The following CCSER1 variants were observed in gnomAD, a reference collection of about 807,000 sequenced individuals.
CCSER1 encodes the protein serine-rich coiled-coil domain-containing protein 1.
Under a neutral mutation model 82.0 loss-of-function variants are expected in CCSER1, and 41 were observed. The observed-to-expected ratio is 0.50, with a 90% CI of 0.39 to 0.65. The LOEUF is 0.65. Among genes scored for constraint, CCSER1 ranks in the 30% least tolerant of loss-of-function variants. The pLI is 0.00. For synonymous variants in CCSER1, 414 were observed against 383.9 expected, an observed-to-expected ratio of 1.08 and a Z score of -0.92; for missense variants, 1,119 against 1,064.2, an observed-to-expected ratio of 1.05 and a Z score of -0.72.
At chr4:90,858,098 G>A (rs903899016) in intron 8 of CCSER1, among the ~76,000 whole-genome samples, 21 of 152,024 alleles carry the variant, frequency 1.4e-4, no homozygotes, top group African/African-American at 4.6e-4. Flanking sequence ...CAGAATTCTA[G>A]CCTAGAAATG....
chr4:90,445,646 G>C (rs1026821199), intron 4 of CCSER1, among the ~76,000 whole-genome samples: 6 of 152,080 alleles, frequency 3.9e-5, no homozygotes, highest in African/African-American at 9.7e-5. Flanking sequence ...AAAAATTAAT[G>C]TCCTTTCAAG....
chr4:91,315,195 T>G (rs1478785208), intron 10 of CCSER1, among the ~76,000 whole-genome samples: 1 of 151,602 alleles, frequency 6.6e-6, no homozygotes. Context: ...GTGTAATTAT[T>G]CTTCTGGCCT....
intron 10 of CCSER1, among the ~76,000 whole-genome samples, chr4:91,153,806 C>T (rs369712910): frequency 7.2e-5 from 11 of 151,900 alleles, no homozygotes; most frequent in South Asian, 2.1e-4. Flanking sequence ...GTATCACCAG[C>T]GGAGGCTGCA....
chr4:91,256,866 A>G (rs1740731472), intron 10 of CCSER1, among the ~76,000 whole-genome samples: 1 of 152,204 alleles, frequency 6.6e-6, no homozygotes, highest in Non-Finnish European at 1.5e-5. Context: ...TCTTCTTGGG[A>G]AGAAATCATA....
chr4:91,202,722 A>G (rs886358383), intron 10 of CCSER1, among the ~76,000 whole-genome samples: 6 of 24,990 alleles, frequency 2.4e-4, no homozygotes, highest in Non-Finnish European at 3.7e-4. Context: ...TATGTTAAAT[A>G]ATACAAACAC....
intron 9 of CCSER1, among the ~76,000 whole-genome samples, chr4:91,048,981 A>G (rs951324556): frequency 3.9e-5 from 6 of 152,164 alleles, no homozygotes; most frequent in East Asian, 1.9e-4. Flanking sequence ...ATATTAAACT[A>G]AAGTCTGGGA....
intron 10 of CCSER1, among the ~76,000 whole-genome samples, chr4:91,302,154 C>A (rs35783820): frequency 0.056 from 8,485 of 152,054 alleles, 319 homozygotes; most frequent in Middle Eastern, 0.082. Flanking sequence ...TGAACTGCCA[C>A]ACTGATATCT....
rs554378246 is a variant in CCSER1 at position 90,964,704 on chromosome 4, G to A, written c.2172+41257G>A. 1.9e-3 allele frequency among the ~76,000 whole-genome samples: 215 copies of A among 115,448 alleles called. 3 individuals are homozygous for A. Among genetic ancestry groups the A allele is most frequent in the African/African-American group, 6.3e-3 (186 of 29,404 alleles). 75.7% of individuals were successfully genotyped at this position (115,448 alleles called of 152,430 possible). A position where few individuals can be genotyped will look rare whatever the true frequency, so the allele number is the denominator to read the frequency against. On this transcript the variant is annotated intron_variant, in intron 9 of 10. Coordinates refer to ENST00000509176, the MANE Select transcript of CCSER1 (RefSeq NM_001145065.2). ...TGTGCCACTGCATTCCAGCCTGGGC[G>A]ACAGAGCCAGAGCAAGACTCTGTCT... is the stretch of plus-strand genomic sequence containing the variant.
chr4:90,716,789 G>C (rs1741722625), intron 6 of CCSER1, among the ~76,000 whole-genome samples: 1 of 152,074 alleles, frequency 6.6e-6, no homozygotes, highest in Admixed American at 6.6e-5. Flanking sequence ...AGTGACAAAA[G>C]CACCTAACGA....
chr4:90,920,274 C>T (rs1169592905), intron 8 of CCSER1, among the ~76,000 whole-genome samples: 1 of 151,764 alleles, frequency 6.6e-6, no homozygotes, highest in Admixed American at 6.6e-5. Context: ...AAGTTCCATC[C>T]TCATTCAGTT....
At chr4:90,201,465 C>T (rs1160299876) in intron 1 of CCSER1, among the ~76,000 whole-genome samples, 1 of 151,216 alleles carries the variant, frequency 6.6e-6, no homozygotes. Flanking sequence ...ATTTTGTTAT[C>T]TCATAGCCAT....
In CCSER1 at chr4:91,007,230, AAAT is replaced by A. The variant is rs1169952222; in HGVS notation, c.2173-78716_2173-78714del. 2.6e-5 allele frequency among the ~76,000 whole-genome samples: 4 copies of A among 152,170 alleles called. No homozygotes were observed. The East Asian group carries it at 7.7e-4, about 29-fold the overall frequency. On this transcript the variant is annotated intron_variant, in intron 9 of 10. Coordinates refer to ENST00000509176, the MANE Select transcript of CCSER1 (RefSeq NM_001145065.2). ...GGATTTTTGCATCTGTGTTCATCAG[AAAT>A]AATGACCTATAATTTTCTTGCTTTG...
intron 1 of CCSER1, among the ~76,000 whole-genome samples, chr4:90,256,657 A>C (rs1315266816): frequency 1.3e-5 from 2 of 152,170 alleles, no homozygotes; most frequent in African/African-American, 4.8e-5. Context: ...ATTATAAGAT[A>C]TAAGTTTGCA....
chr4:90,820,738 A>G (rs1027607240), intron 8 of CCSER1, among the ~76,000 whole-genome samples: 1 of 131,894 alleles, frequency 7.6e-6, no homozygotes, highest in African/African-American at 2.5e-5. Context: ...TGTATTATAT[A>G]TTATATATAT....
Position 90,640,426 on chromosome 4 carries a change from A to G in CCSER1, c.1932+12194A>G, listed in dbSNP as rs186823659. On this transcript the variant is annotated intron_variant, in intron 6 of 10. Transcript: ENST00000509176. ...AGGTTAATCAAGAATGATAAACAAA[A>G]ATTCATTTTATAGAGTATTCTCCAT... is the stretch of plus-strand genomic sequence containing the variant. Among the ~76,000 whole-genome samples, 499 of 152,300 alleles carry G rather than the reference A, an allele frequency of 3.3e-3. 2 individuals carry two copies. The highest frequency in any genetic ancestry group is 0.011 in the African/African-American group (471 of 41,570).
At chr4:90,606,701 A>AAAATTATATTT (rs1784759708) in intron 5 of CCSER1, among the ~76,000 whole-genome samples, 1 of 152,188 alleles carries the variant, frequency 6.6e-6, no homozygotes, top group South Asian at 2.1e-4. Flanking sequence ...AAAAGTGGAT[A>AAAATTATATTT]AAATTATATT....
chr4:91,512,512 C>A (rs1050808504), intron 10 of CCSER1, among the ~76,000 whole-genome samples: 7 of 152,162 alleles, frequency 4.6e-5, no homozygotes, highest in Non-Finnish European at 1.0e-4. Context: ...CGGACTGATC[C>A]ACCACTGGCT....
intron 10 of CCSER1, among the ~76,000 whole-genome samples, chr4:91,155,034 TAAA>T (rs35463054): frequency 1.3e-5 from 2 of 149,396 alleles, no homozygotes; most frequent in Non-Finnish European, 3.0e-5. Context: ...TTTCTGGCCT[TAAA>T]AAAAAAAATC....
chr4:90,946,864 A>C (rs1244267008), intron 9 of CCSER1, among the ~76,000 whole-genome samples: 2 of 152,164 alleles, frequency 1.3e-5, no homozygotes, highest in Non-Finnish European at 2.9e-5. Context: ...GAGAAACAAC[A>C]ATTCCCAAAT....
Sources: allele counts gnomAD v4.1 joint callset (sites outside exome capture counted in the v4.1 genomes callset), GRCh38; gene constraint gnomAD v4.1.1; transcripts MANE v1.5; gene names NCBI Gene and HGNC (gene_info 2026-07-23, HGNC 2026-07-21).